Variants in VPS37C observed in about 807,000 individuals in gnomAD.
VPS37C encodes the protein vacuolar protein sorting-associated protein 37C.
A neutral mutation model predicts 16.1 loss-of-function variants in VPS37C; 9 were observed. The observed-to-expected ratio is 0.56, with a 90% confidence interval of 0.34 to 0.97. The LOEUF (loss-of-function observed/expected upper bound fraction) is 0.97. Among genes scored for constraint, VPS37C ranks in the 50% least tolerant of loss-of-function variants. The pLI is 0.02. For synonymous variants in VPS37C, 207 were observed against 206.4 expected, an observed-to-expected ratio of 1.00 and a Z score of -0.02; for missense variants, 479 against 472.7, an observed-to-expected ratio of 1.01 and a Z score of -0.12.
At chr11:61,157,439 T>C (rs1853395285) in intron 1 of VPS37C, among the ~76,000 whole-genome samples, 1 of 151,980 alleles carries the variant, frequency 6.6e-6, no homozygotes, top group South Asian at 2.1e-4. Context: ...GCCATCCTAA[T>C]GGGTGAAGTG....
At chr11:61,140,893 C>T (rs1426297138) in intron 1 of VPS37C, among the ~76,000 whole-genome samples, 3 of 152,132 alleles carry the variant, frequency 2.0e-5, no homozygotes, top group Non-Finnish European at 4.4e-5. Flanking sequence ...CTCACCTTAC[C>T]GCTCCAAAAC....
intron 1 of VPS37C, among the ~76,000 whole-genome samples, chr11:61,142,833 T>C (rs1410861128): frequency 2.8e-5 from 4 of 144,034 alleles, no homozygotes; most frequent in African/African-American, 5.1e-5. Context: ...AGGGGTAGCA[T>C]TGGGAGATAT....
intron 2 of VPS37C, among the ~76,000 whole-genome samples, chr11:61,137,442 A>C (rs1861397779): frequency 6.6e-6 from 1 of 152,172 alleles, no homozygotes; most frequent in African/African-American, 2.4e-5. Context: ...GCTTCTGCTC[A>C]CATTTTCCAT....
chr11:61,140,796 T>C (rs1197928023), intron 1 of VPS37C, among the ~76,000 whole-genome samples: 1 of 152,206 alleles, frequency 6.6e-6, no homozygotes, highest in African/African-American at 2.4e-5. Flanking sequence ...GCAGCAGCCA[T>C]GTCATATGCA....
At chr11:61,132,763 G>C (rs1861295328) in intron 4 of VPS37C, 2 of 655,928 alleles carry the variant, frequency 3.0e-6, no homozygotes, top group South Asian at 4.1e-5. Context: ...CTCTGTCGTG[G>C]TCACCTCTGT....
chr11:61,155,226 G>A (rs1405956253), intron 1 of VPS37C, among the ~76,000 whole-genome samples: 1 of 152,100 alleles, frequency 6.6e-6, no homozygotes, highest in African/African-American at 2.4e-5. Flanking sequence ...GCTCATGCTT[G>A]TAATCTCATC....
intron 2 of VPS37C, among the ~76,000 whole-genome samples, chr11:61,137,604 C>T (rs1429905070): frequency 6.6e-6 from 1 of 152,224 alleles, no homozygotes; most frequent in Non-Finnish European, 1.5e-5. Context: ...CCAGGCTGGG[C>T]AGGAGCAACG....
chr11:61,150,933 C>T (rs912407874), intron 1 of VPS37C, among the ~76,000 whole-genome samples: 30 of 152,322 alleles, frequency 2.0e-4, no homozygotes, highest in African/African-American at 7.0e-4. Context: ...GCTCACAGTC[C>T]AGAGGCTGGC....
intron 1 of VPS37C, chr11:61,144,850 GCT>G (rs1853171090): frequency 6.6e-6 from 1 of 152,264 alleles, no homozygotes; most frequent in South Asian, 2.1e-4. Context: ...CCACCAAGCT[GCT>G]ACCTCCTCTG....
intron 1 of VPS37C, among the ~76,000 whole-genome samples, chr11:61,140,185 A>C (rs1205302060): frequency 1.3e-5 from 2 of 152,212 alleles, no homozygotes; most frequent in Non-Finnish European, 2.9e-5. Context: ...AACCCAGCTG[A>C]GAAAGCGTTC....
intron 1 of VPS37C, among the ~76,000 whole-genome samples, chr11:61,148,383 G>A (rs1316992017): frequency 1.3e-5 from 2 of 152,118 alleles, no homozygotes; most frequent in Non-Finnish European, 2.9e-5. Context: ...AGTCCAACCT[G>A]CACATGTTAA....
At chr11:61,134,262 T>C (rs1369121965) in intron 2 of VPS37C, 55 bp from the exon 3 acceptor site, 13 of 1,565,172 alleles carry the variant, frequency 8.3e-6, no homozygotes, top group African/African-American at 4.1e-5. Context: ...CTTAACCTCC[T>C]GGCAGCCTGG....
chr11:61,135,597 C>T (rs1346104116), intron 2 of VPS37C, among the ~76,000 whole-genome samples: 4 of 151,160 alleles, frequency 2.6e-5, no homozygotes, highest in Non-Finnish European at 5.9e-5. Flanking sequence ...CCACGCCTGG[C>T]TAAGTTCTTT....
At chr11:61,159,633 A>G (rs1165529175) in intron 1 of VPS37C, among the ~76,000 whole-genome samples, 1 of 151,322 alleles carries the variant, frequency 6.6e-6, no homozygotes, top group Non-Finnish European at 1.5e-5. Flanking sequence ...CGTCTCTACT[A>G]AAAAATACAA....
intron 2 of VPS37C, among the ~76,000 whole-genome samples, chr11:61,136,258 T>C (rs557708848): frequency 9.9e-5 from 15 of 150,830 alleles, no homozygotes; most frequent in African/African-American, 3.4e-4. Flanking sequence ...CTCTGCCTCC[T>C]GGGTTCAAGC....
At chr11:61,151,836 ATAGG>A (rs1431468546) in intron 1 of VPS37C, among the ~76,000 whole-genome samples, 1 of 152,244 alleles carries the variant, frequency 6.6e-6, no homozygotes, top group Non-Finnish European at 1.5e-5. Context: ...AGGTGATTTA[ATAGG>A]TAGCCGGTTT....
Position 61,131,583 on chromosome 11 carries a change from C to T in VPS37C, c.*237G>A, listed in dbSNP as rs577731081. The T allele has an allele frequency of 9.8e-5, 46 of 469,974 alleles. No homozygotes were observed. In the South Asian group the frequency reaches 4.9e-3, roughly 50 times the overall value. 29.1% of individuals were successfully genotyped at this position (469,974 alleles called of 1,614,324 possible). ...TGCTGGACTCCAGCCTGGCTAGCAC[C>T]GCTGCAGCCAGGCACTGAAAGGAGG... On this transcript the variant is annotated 3_prime_UTR_variant, in exon 5 of 5. Transcript: ENST00000301765.
chr11:61,143,690 C>T (rs57078296), intron 1 of VPS37C: 10,959 of 141,140 alleles, frequency 0.078, 1,103 homozygotes, highest in African/African-American at 0.24. Context: ...GATGGAGTTT[C>T]GCTCTTGTTG....
rs771925450 is a variant in VPS37C at position 61,133,226 on chromosome 11, G to A, written c.348+29C>T. 15 of 1,608,960 alleles carry A rather than the reference G, an allele frequency of 9.3e-6. 1 individual carries two copies. The South Asian group carries it at 1.5e-4, about 17-fold the overall frequency. ...CTGCAGGGACTGACACCCCGTCCAG[G>A]GAAGAGGGGTGTCGCCTCGCCCTCT... On this transcript the variant is annotated intron_variant, in intron 4 of 4. Coordinates refer to ENST00000301765, the MANE Select transcript of VPS37C (RefSeq NM_017966.5).
Sources: allele counts gnomAD v4.1 joint callset (sites outside exome capture counted in the v4.1 genomes callset), GRCh38; gene constraint gnomAD v4.1.1; transcripts MANE v1.5; gene names NCBI Gene and HGNC (gene_info 2026-07-23, HGNC 2026-07-21).